CDH13: variants seen among roughly 807,000 people sequenced by gnomAD.
The protein encoded by CDH13 is cadherin-13.
CDH13 carries 24 observed loss-of-function variants against 63.8 expected under a neutral mutation model. The observed-to-expected ratio is 0.38, with a 90% CI of 0.27 to 0.53. The LOEUF is 0.53. Ranked by LOEUF, CDH13 falls within the 20% of genes least tolerant of loss-of-function variation. The pLI is 0.85. For missense variants in CDH13, 1,049 were observed against 903.1 expected (o/e 1.16, Z -2.07); for synonymous variants, 503 against 355.3 (o/e 1.42, Z -4.67).
chr16:83,300,593 G>A (rs2089710704), intron 5 of CDH13, among the ~76,000 whole-genome samples: 1 of 152,288 alleles, frequency 6.6e-6, no homozygotes, highest in Non-Finnish European at 1.5e-5. Context: ...TGCCAGGCAG[G>A]GTCTGGGGAC....
chr16:82,636,357 G>A (rs1032385875), intron 1 of CDH13, among the ~76,000 whole-genome samples: 1 of 152,048 alleles, frequency 6.6e-6, no homozygotes, highest in Non-Finnish European at 1.5e-5. Context: ...TTACAGTATT[G>A]CCAGCAGATC....
intron 7 of CDH13, among the ~76,000 whole-genome samples, chr16:83,521,899 G>A (rs1292802392): frequency 6.6e-6 from 1 of 152,206 alleles, no homozygotes; most frequent in African/African-American, 2.4e-5. Context: ...CCTACTATAT[G>A]AGGTCGTTGA....
At chr16:82,848,002 T>G (rs2039334862) in intron 1 of CDH13, among the ~76,000 whole-genome samples, 1 of 152,050 alleles carries the variant, frequency 6.6e-6, no homozygotes. Flanking sequence ...AATTTAGCAT[T>G]TCATTTGGGA....
chr16:83,108,221 G>A (rs1043456985), intron 3 of CDH13, among the ~76,000 whole-genome samples: 12 of 152,076 alleles, frequency 7.9e-5, no homozygotes, highest in African/African-American at 2.2e-4. Context: ...ACTATACACC[G>A]TGCTTGTGGC....
chr16:83,266,984 G>A (rs1331905289), intron 5 of CDH13, among the ~76,000 whole-genome samples: 1 of 152,128 alleles, frequency 6.6e-6, no homozygotes, highest in Non-Finnish European at 1.5e-5. Context: ...CAGGAGTTAT[G>A]ACTGTTGTTG....
rs556302638 is a variant in CDH13, at chr16:82,869,144, T to A, written c.157+10671T>A. Among the ~76,000 whole-genome samples, 4 of 152,296 alleles carry A rather than the reference T, an allele frequency of 2.6e-5. No individual in the cohort carries two copies. The South Asian group carries it at 8.3e-4, about 32-fold the overall frequency. ...TCACTGCAACCTCTGCCTCCTGGGT[T>A]CAAGCTATTCTCATGCCTCAGCCTT... is the stretch of plus-strand genomic sequence containing the variant. On this transcript the variant is annotated intron_variant, in intron 2 of 13. Coordinates refer to ENST00000567109, the MANE Select transcript of CDH13 (RefSeq NM_001257.5).
intron 2 of CDH13, chr16:82,954,499 C>G (rs1262589212): frequency 6.6e-6 from 1 of 152,098 alleles, no homozygotes; most frequent in Non-Finnish European, 1.5e-5. Context: ...TCCAGAGTCA[C>G]AAAGCGCTTG....
At chr16:83,538,551 G>T (rs957588716) in intron 7 of CDH13, among the ~76,000 whole-genome samples, 1 of 152,224 alleles carries the variant, frequency 6.6e-6, no homozygotes, top group Non-Finnish European at 1.5e-5. Context: ...AAGAAGGAAT[G>T]TGATCCTAAA....
intron 2 of CDH13, among the ~76,000 whole-genome samples, chr16:82,982,226 A>G (rs1275922909): frequency 6.6e-6 from 1 of 152,178 alleles, no homozygotes; most frequent in Admixed American, 6.5e-5. Flanking sequence ...TCTGTAAAAT[A>G]AGAATTTCTT....
At chr16:82,893,248 T>C (rs2041144104) in intron 2 of CDH13, among the ~76,000 whole-genome samples, 1 of 152,228 alleles carries the variant, frequency 6.6e-6, no homozygotes, top group African/African-American at 2.4e-5. Context: ...CACAAATACA[T>C]ACACATATGT....
At chr16:82,983,318 C>G (rs1039883314) in intron 2 of CDH13, among the ~76,000 whole-genome samples, 17 of 152,172 alleles carry the variant, frequency 1.1e-4, no homozygotes, top group African/African-American at 3.6e-4. Context: ...CTCCTCCCAG[C>G]TTCGTCCCCA....
At chr16:83,065,447 G>A (rs2031926956) in intron 3 of CDH13, among the ~76,000 whole-genome samples, 1 of 152,156 alleles carries the variant, frequency 6.6e-6, no homozygotes, top group Non-Finnish European at 1.5e-5. Context: ...GCTCGTGCCT[G>A]TAATCCCAAC....
At position 82,784,881 on chromosome 16, in the gene CDH13, C is replaced by T. The variant is rs1490295007; in HGVS notation, c.46-73481C>T. Among the ~76,000 whole-genome samples, 5 of 152,292 alleles carry T rather than the reference C, an allele frequency of 3.3e-5. No homozygotes were observed. In the East Asian group the frequency reaches 7.7e-4, roughly 24 times the overall value. On this transcript the variant is annotated intron_variant, in intron 1 of 13. Coordinates refer to ENST00000567109, the MANE Select transcript of CDH13 (RefSeq NM_001257.5). ...TAATTTCAAACATTTTAGACCCTTC[C>T]TCCAAAGGGCAGCGAGGCTGATGCA...
At chr16:83,598,248 C>G (rs550175385) in intron 7 of CDH13, among the ~76,000 whole-genome samples, 11 of 152,106 alleles carry the variant, frequency 7.2e-5, no homozygotes, top group Non-Finnish European at 1.3e-4. Flanking sequence ...GATTATAGTC[C>G]CAGCTACTCA....
At position 82,981,388 on chromosome 16, in the gene CDH13, C is replaced by T. The variant is rs146873625; in HGVS notation, c.158-50622C>T. On this transcript the variant is annotated intron_variant, in intron 2 of 13. Transcript: ENST00000567109. ...CATGAATCTCCAGTCTTGAAGCCCTCTCCTTGACCCCCTCCTTGGAGGGTG... is the reference window on the plus strand; with the variant it reads ...CATGAATCTCCAGTCTTGAAGCCCTTTCCTTGACCCCCTCCTTGGAGGGTG... Among the ~76,000 whole-genome samples the T allele has an allele frequency of 8.9e-4, 136 of 152,232 alleles. 2 individuals are homozygous for T. The highest frequency in any genetic ancestry group is 3.2e-3 in the African/African-American group (135 of 41,556).
chr16:83,528,547 A>G (rs2075013186), intron 7 of CDH13, among the ~76,000 whole-genome samples: 2 of 152,174 alleles, frequency 1.3e-5, no homozygotes, highest in East Asian at 3.9e-4. Context: ...GAGGGCACTT[A>G]TCTTCATGTA....
chr16:83,010,152 A>AAAAAAAAC, intron 2 of CDH13, among the ~76,000 whole-genome samples: 2 of 149,056 alleles, frequency 1.3e-5, no homozygotes, highest in African/African-American at 4.9e-5. Flanking sequence ...AAAAAAAAAA[A>AAAAAAAAC]AAAAAAAAAA....
At chr16:83,605,645 G>C (rs149621384) in intron 8 of CDH13, among the ~76,000 whole-genome samples, 88 of 152,332 alleles carry the variant, frequency 5.8e-4, no homozygotes, top group African/African-American at 2.0e-3. Flanking sequence ...GATGAGGACA[G>C]TGGTGATGAC....
intron 7 of CDH13, among the ~76,000 whole-genome samples, chr16:83,550,578 G>T (rs2075472087): frequency 1.3e-5 from 2 of 152,202 alleles, no homozygotes; most frequent in Non-Finnish European, 2.9e-5. Flanking sequence ...GCATGGTGGG[G>T]GATTCCTGCT....
Sources: allele counts gnomAD v4.1 joint callset (sites outside exome capture counted in the v4.1 genomes callset), GRCh38; gene constraint gnomAD v4.1.1; transcripts MANE v1.5; gene names NCBI Gene and HGNC (gene_info 2026-07-23, HGNC 2026-07-21).